The following HMCN1 variants were observed in gnomAD, a reference collection of about 807,000 sequenced individuals.
HMCN1 encodes the protein hemicentin 1, also known as hemicentin-1.
Under a neutral mutation model 625.9 loss-of-function variants are expected in HMCN1, and 321 were observed. The observed-to-expected ratio is 0.51, with a 90% CI of 0.47 to 0.56. HMCN1 has a LOEUF of 0.56. Among genes scored for constraint, HMCN1 ranks in the 20% least tolerant of loss-of-function variants. HMCN1 has a pLI of 0.00. For missense variants in HMCN1, 6,588 were observed against 6,887.3 expected (o/e 0.96, Z 1.54); for synonymous variants, 2,425 against 2,417.6 (o/e 1.00, Z -0.09).
At chr1:186,066,897 A>G (rs1039067733) in intron 49 of HMCN1, among the ~76,000 whole-genome samples, 2 of 152,114 alleles carry the variant, frequency 1.3e-5, no homozygotes, top group Non-Finnish European at 2.9e-5. Context: ...ATGTTTAATT[A>G]TCTTCTATAC....
intron 4 of HMCN1, among the ~76,000 whole-genome samples, chr1:185,899,300 T>A (rs1369039542): frequency 6.6e-6 from 1 of 152,170 alleles, no homozygotes; most frequent in African/African-American, 2.4e-5. Context: ...ATAAAAATTA[T>A]CTTTCTGTTA....
At position 185,930,708 on chromosome 1, in the gene HMCN1, G is replaced by A. The variant is rs1398234767; in HGVS notation, c.1552+2041G>A. On this transcript the variant is annotated intron_variant, in intron 10 of 106. Transcript: ENST00000271588. ...TTGAAATGTTGGTTATTGGGTTATT[G>A]ATTGTTTTAAATGCACAACAGGTGT... Among the ~76,000 whole-genome samples the A allele has an allele frequency of 7.2e-5, 11 of 151,982 alleles. No homozygotes were observed. The South Asian group carries it at 1.2e-3, about 17-fold the overall frequency.
chr1:185,911,559 G>A, intron 5 of HMCN1, 115 bp from the exon 6 acceptor site: 1 of 834,190 alleles, frequency 1.2e-6, no homozygotes. Context: ...GGTAAAAAAT[G>A]AGCCAGTGTT....
intron 30 of HMCN1, among the ~76,000 whole-genome samples, chr1:186,014,513 G>T (rs192998137): frequency 6.6e-6 from 1 of 151,926 alleles, no homozygotes; most frequent in Non-Finnish European, 1.5e-5. Context: ...TTTAGAATTT[G>T]CAGGAGAGAC....
chr1:185,814,849 G>T (rs1388344425), intron 1 of HMCN1, among the ~76,000 whole-genome samples: 1 of 149,236 alleles, frequency 6.7e-6, no homozygotes, highest in Non-Finnish European at 1.5e-5. Flanking sequence ...ACATCACCAT[G>T]CCCGGCTAAT....
intron 1 of HMCN1, among the ~76,000 whole-genome samples, chr1:185,779,367 A>T (rs1656880665): frequency 1.3e-5 from 2 of 152,042 alleles, no homozygotes; most frequent in Non-Finnish European, 2.9e-5. Flanking sequence ...CCCATTTGTC[A>T]ATTTTGGCTT....
chr1:186,081,148 A>G (rs1415002659), intron 55 of HMCN1, 59 bp from the exon 56 acceptor site: 1 of 1,393,440 alleles, frequency 7.2e-7, no homozygotes, highest in Non-Finnish European at 1.0e-6. Context: ...TCAGAAAATT[A>G]GCATGATTTA....
chr1:186,088,728 C>A lies in HMCN1; in HGVS notation c.9700C>A (p.Gln3234Lys). The change falls in exon 63 of 107, where the codon CAG becomes AAG. Residue 3234 changes from glutamine (Q) to lysine (K), a missense_variant. Coordinates refer to ENST00000271588, the MANE Select transcript of HMCN1 (RefSeq NM_031935.3). ...CIASNMEGKA[Q>K]KYYFLSIQVP... ...TGCTTCAAATATGGAGGGAAAAGCCCAGAAATATTACTTTCTTTCAATTCA... is the reference window on the plus strand; with the variant it reads ...TGCTTCAAATATGGAGGGAAAAGCCAAGAAATATTACTTTCTTTCAATTCA... The A allele has an allele frequency of 1.2e-6, 2 of 1,609,930 alleles. No homozygotes were observed. The highest frequency in any genetic ancestry group is 1.1e-5 in the South Asian group (1 of 90,694).
rs1182987060 is a variant in HMCN1, at chr1:186,144,603, G to A, written c.14166G>A (p.Gln4722=). The change falls in exon 91 of 107, where the codon CAG becomes CAA. Residue 4722 remains glutamine, a synonymous_variant. Transcript: ENST00000271588. The part of the protein sequence containing the change: ...CSVSCGGGAR[Q]RTRGCSDPVP... The stretch of plus-strand genomic sequence containing the variant: ...TGTCATGTGGAGGAGGTGCCAGACA[G>A]AGAACAAGGGGCTGCTCCGACCCTG... 6.2e-7 allele frequency: 1 copy of A among 1,614,132 alleles called. No homozygotes were observed. The highest frequency in any genetic ancestry group is 8.5e-7 in the Non-Finnish European group (1 of 1,180,012).
At chr1:186,084,328 A>G (rs146564115) in intron 57 of HMCN1, among the ~76,000 whole-genome samples, 274 of 152,254 alleles carry the variant, frequency 1.8e-3, no homozygotes, top group Non-Finnish European at 2.9e-3. Flanking sequence ...TGCAATGTAC[A>G]GTAGAAACAC....
chr1:185,996,032 G>A (rs1411085044), intron 24 of HMCN1, among the ~76,000 whole-genome samples: 21 of 152,124 alleles, frequency 1.4e-4, no homozygotes, highest in Admixed American at 1.1e-3. Context: ...GGACACTAAT[G>A]AAGAAGTTTT....
At chr1:186,129,109 G>A (rs528588277) in intron 83 of HMCN1, among the ~76,000 whole-genome samples, 7 of 151,664 alleles carry the variant, frequency 4.6e-5, no homozygotes, top group African/African-American at 1.7e-4. Context: ...ATTGTTTTCT[G>A]AAAGTGCAGT....
At chr1:185,837,224 C>G (rs1018744039) in intron 1 of HMCN1, among the ~76,000 whole-genome samples, 6 of 151,870 alleles carry the variant, frequency 4.0e-5, no homozygotes, top group African/African-American at 1.5e-4. Context: ...GATGTTGTAA[C>G]CATTCACAAT....
rs993238788 is a variant in HMCN1 at position 186,120,089 on chromosome 1, G to A, written c.12173G>A (p.Cys4058Tyr). The change falls in exon 80 of 107, where the codon TGT (cysteine) becomes TAT (tyrosine). Residue 4058 changes from cysteine (C) to tyrosine (Y), a missense_variant. By Grantham distance (194) the Cys-to-Tyr change is radical (BLOSUM62 -2). Transcript: ENST00000271588. ...CGAGAGGATGCTGGCACTTACATGT[G>A]TGTGGCCCAGAACCCGGCTGGTACA... is the stretch of plus-strand genomic sequence containing the variant. Reference protein sequence around the residue: ...AVREDAGTYMCVAQNPAGTAL... With the variant: ...AVREDAGTYMYVAQNPAGTAL... 9.3e-6 allele frequency: 15 copies of A among 1,614,006 alleles called. No individual in the cohort carries two copies. The highest frequency in any genetic ancestry group is 1.3e-5 in the Non-Finnish European group (15 of 1,179,964).
chr1:185,886,708 C>A (rs1454165334), intron 4 of HMCN1, among the ~76,000 whole-genome samples: 2 of 151,988 alleles, frequency 1.3e-5, no homozygotes, highest in Non-Finnish European at 2.9e-5. Flanking sequence ...AGCTCTCTTG[C>A]CCAAGTCTTC....
intron 102 of HMCN1, among the ~76,000 whole-genome samples, chr1:186,172,789 T>C (rs1652313064): frequency 6.6e-6 from 1 of 152,180 alleles, no homozygotes; most frequent in African/African-American, 2.4e-5. Context: ...ATGGGTTAAA[T>C]TGGCCTACTC....
chr1:185,878,573 T>G (rs1453984328), intron 4 of HMCN1, among the ~76,000 whole-genome samples: 1 of 152,186 alleles, frequency 6.6e-6, no homozygotes, highest in Non-Finnish European at 1.5e-5. Context: ...CTTGCATCCC[T>G]GGAATAAGAC....
chr1:185,800,441 A>C (rs1157875642), intron 1 of HMCN1, among the ~76,000 whole-genome samples: 1 of 152,136 alleles, frequency 6.6e-6, no homozygotes, highest in Non-Finnish European at 1.5e-5. Flanking sequence ...ATATGTTGGA[A>C]ATCATCCAGT....
At chr1:186,067,654 A>G (rs1658212757) in intron 49 of HMCN1, among the ~76,000 whole-genome samples, 180 bp from the exon 50 acceptor site, 1 of 151,958 alleles carries the variant, frequency 6.6e-6, no homozygotes, top group Non-Finnish European at 1.5e-5. Context: ...CATCTCCTCC[A>G]TTACCCTATG....
Sources: allele counts gnomAD v4.1 joint callset (sites outside exome capture counted in the v4.1 genomes callset), GRCh38; gene constraint gnomAD v4.1.1; transcripts MANE v1.5; gene names NCBI Gene and HGNC (gene_info 2026-07-23, HGNC 2026-07-21).